SS18: variants seen among roughly 807,000 people sequenced by gnomAD.
SS18 encodes protein SSXT.
A neutral mutation model predicts 72.5 loss-of-function variants in SS18; 28 were observed. The observed-to-expected ratio is 0.39, with a 90% CI of 0.29 to 0.53. The LOEUF is 0.53. SS18 is among the 20% of genes least tolerant of loss of function. SS18 has a pLI of 0.76. For synonymous variants in SS18, 172 were observed against 164.2 expected, an observed-to-expected ratio of 1.05 and a Z score of -0.37; for missense variants, 518 against 535.3, an observed-to-expected ratio of 0.97 and a Z score of 0.32.
Position 26,087,554 on chromosome 18 carries a change from A to G in SS18, c.93T>C (p.Leu31=), listed in dbSNP as rs189113508. 9 of 1,595,092 alleles carry G rather than the reference A, an allele frequency of 5.6e-6. No individual in the cohort carries two copies. The East Asian group carries it at 2.0e-4, about 36-fold the overall frequency. ...TCTGAGAGTCCATTATACACTGAAT[A>G]AGATGGTTATTGTCATCCAACATCT... The part of the protein sequence containing the change: ...IQKMLDDNNH[L]IQCIMDSQNK... The change falls in exon 2 of 11, where the codon CTT becomes CTC. Residue 31 remains leucine (L), a synonymous_variant. Coordinates refer to ENST00000415083, the MANE Select transcript of SS18 (RefSeq NM_001007559.3).
intron 7 of SS18, among the ~76,000 whole-genome samples, chr18:26,036,369 T>G (rs980544346): frequency 2.6e-5 from 4 of 152,184 alleles, no homozygotes; most frequent in East Asian, 1.9e-4. Flanking sequence ...GTTCCATAAG[T>G]TTTTCCCCTG....
At chr18:26,024,425 T>C (rs79740683) in intron 10 of SS18, among the ~76,000 whole-genome samples, 4,765 of 152,232 alleles carry the variant, frequency 0.031, 233 homozygotes, top group African/African-American at 0.11. Context: ...CCTGGGTTCA[T>C]GCAATCTTCT....
chr18:26,078,223 AACAGCACTAT>A, intron 2 of SS18, 63 bp from the exon 3 acceptor site: 1 of 1,148,532 alleles, frequency 8.7e-7, no homozygotes, highest in Non-Finnish European at 1.3e-6. Context: ...CCTAAGTACA[AACAGCACTAT>A]AATCATTTCT....
At chr18:26,071,833 G>GA (rs907310383) in intron 3 of SS18, among the ~76,000 whole-genome samples, 32 of 145,816 alleles carry the variant, frequency 2.2e-4, no homozygotes, top group African/African-American at 5.5e-4. Context: ...GTCTCCAGAG[G>GA]AAAAAAAAAA....
In SS18 at chr18:26,069,174, A is replaced by G. The variant is rs979196211; in HGVS notation, c.231+8902T>C. 7.9e-5 allele frequency among the ~76,000 whole-genome samples: 12 copies of G among 152,116 alleles called. No individual in the cohort carries two copies. The East Asian group carries it at 1.5e-3, about 20-fold the overall frequency. The stretch of plus-strand genomic sequence containing the variant: ...CATTGATATCCTCCAATGTGTACCT[A>G]TATCTTTATTATCGTCATCATCGCC... On this transcript the variant is annotated intron_variant, in intron 3 of 10. Coordinates refer to ENST00000415083, the MANE Select transcript of SS18 (RefSeq NM_001007559.3).
At chr18:26,069,507 T>TAAAAAAAAA (rs11329781) in intron 3 of SS18, among the ~76,000 whole-genome samples, 6 of 85,962 alleles carry the variant, frequency 7.0e-5, no homozygotes, top group South Asian at 3.7e-4. Flanking sequence ...CCTACCAAAG[T>TAAAAAAAAA]AAAAAAAAAA....
chr18:26,043,159 GACCTT>G (rs1326443385), intron 5 of SS18, among the ~76,000 whole-genome samples: 1 of 151,962 alleles, frequency 6.6e-6, no homozygotes, highest in East Asian at 1.9e-4. Flanking sequence ...AAACATCAAG[GACCTT>G]ACCCAAAGCT....
intron 10 of SS18, among the ~76,000 whole-genome samples, chr18:26,022,085 C>T (rs187576154): frequency 6.6e-5 from 10 of 152,232 alleles, no homozygotes; most frequent in Admixed American, 6.5e-4. Context: ...TTCTATTTAC[C>T]TAATCAGTTT....
chr18:26,017,799 C>T lies in SS18; in HGVS notation c.*555G>A. ...TGCTTTGTCTTCCCCTCACCTTTAT[C>T]TTTATAGCACACCATTTTGAGACCA... On this transcript the variant is annotated 3_prime_UTR_variant, in exon 11 of 11. Coordinates refer to ENST00000415083, the MANE Select transcript of SS18 (RefSeq NM_001007559.3). 1 of 225,522 alleles carries T rather than the reference C, an allele frequency of 4.4e-6. No homozygotes were observed. The highest frequency in any genetic ancestry group is 8.8e-6 in the Non-Finnish European group (1 of 113,230). The allele number at this position is 225,522 out of a possible 1,614,324, so 14.0% of individuals were successfully genotyped here.
intron 10 of SS18, among the ~76,000 whole-genome samples, chr18:26,024,299 A>G (rs2053407616): frequency 6.6e-6 from 1 of 152,016 alleles, no homozygotes; most frequent in South Asian, 2.1e-4. Flanking sequence ...GCTGGTGAAA[A>G]TGTTTTAAAA....
intron 5 of SS18, among the ~76,000 whole-genome samples, chr18:26,051,637 T>C (rs1000813754): frequency 1.3e-5 from 2 of 152,140 alleles, no homozygotes; most frequent in Non-Finnish European, 1.5e-5. Context: ...TTGCTGTTGT[T>C]TGGACTTTTA....
At chr18:26,069,507 TAAAAAAA>T (rs11329781) in intron 3 of SS18, among the ~76,000 whole-genome samples, 80 of 86,002 alleles carry the variant, frequency 9.3e-4, no homozygotes, top group Non-Finnish European at 2.0e-3. Context: ...CCTACCAAAG[TAAAAAAA>T]AAAAAAAAAA....
At chr18:26,022,089 T>G (rs34616066) in intron 10 of SS18, among the ~76,000 whole-genome samples, 7 of 152,212 alleles carry the variant, frequency 4.6e-5, no homozygotes, top group Non-Finnish European at 8.8e-5. Flanking sequence ...ATTTACCTAA[T>G]CAGTTTAAAA....
chr18:26,083,131 T>G (rs2054557192), intron 2 of SS18, among the ~76,000 whole-genome samples: 1 of 152,138 alleles, frequency 6.6e-6, no homozygotes, highest in Non-Finnish European at 1.5e-5. Context: ...TAAAATTAAA[T>G]CCACCAAAAA....
chr18:26,023,247 G>T (rs1464766539), intron 10 of SS18, among the ~76,000 whole-genome samples: 2 of 152,084 alleles, frequency 1.3e-5, no homozygotes, highest in Non-Finnish European at 2.9e-5. Context: ...GATATTAAAA[G>T]AATTATATTT....
intron 10 of SS18, among the ~76,000 whole-genome samples, chr18:26,023,795 T>C (rs2053395125): frequency 6.6e-6 from 1 of 152,132 alleles, no homozygotes; most frequent in African/African-American, 2.4e-5. Context: ...CATACATAAA[T>C]AATGAAGAGT....
At chr18:26,070,759 T>C (rs2054297254) in intron 3 of SS18, among the ~76,000 whole-genome samples, 1 of 152,178 alleles carries the variant, frequency 6.6e-6, no homozygotes, top group Admixed American at 6.6e-5. Flanking sequence ...TATATATAAT[T>C]ATGAACACAT....
chr18:26,047,259 C>CAAAAAAAAAAAAAAAA (rs71169806), intron 5 of SS18, among the ~76,000 whole-genome samples: 5 of 75,740 alleles, frequency 6.6e-5, no homozygotes, highest in Admixed American at 3.1e-4. Flanking sequence ...AGTAATATGC[C>CAAAAAAAAAAAAAAAA]AAAAAAAAAA....
chr18:26,018,530 A>G (rs1027255545), intron 10 of SS18, 150 bp from the exon 11 acceptor site: 9 of 512,740 alleles, frequency 1.8e-5, no homozygotes, highest in Non-Finnish European at 2.7e-5. Flanking sequence ...TTAGGTATAC[A>G]GTATCACCCT....
Sources: gnomAD v4.1 joint callset for allele counts (sites outside exome capture counted in the v4.1 genomes callset) on GRCh38, gnomAD v4.1.1 for gene constraint, MANE v1.5 for transcripts, NCBI Gene and HGNC (gene_info 2026-07-23, HGNC 2026-07-21) for gene names.